BIVM: variants seen among roughly 807,000 people sequenced by gnomAD.
BIVM encodes basic immunoglobulin-like variable motif-containing protein.
A neutral mutation model predicts 61.4 loss-of-function variants in BIVM; 31 were observed. The observed-to-expected ratio is 0.51, with a 90% confidence interval of 0.38 to 0.68. The LOEUF (loss-of-function observed/expected upper bound fraction) is 0.68. Among genes scored for constraint, BIVM ranks in the 30% least tolerant of loss-of-function variants. The pLI, the probability that BIVM is intolerant of heterozygous loss-of-function variation, is 0.00. For missense variants in BIVM, 526 were observed against 596.0 expected, an observed-to-expected ratio of 0.88 and a Z score of 1.22; for synonymous variants, 189 against 210.7, an observed-to-expected ratio of 0.90 and a Z score of 0.89.
At chr13:102,818,391 A>G (rs919581925) in intron 4 of BIVM, among the ~76,000 whole-genome samples, 1 of 152,248 alleles carries the variant, frequency 6.6e-6, no homozygotes, top group Non-Finnish European at 1.5e-5. Context: ...AAGATAAGCC[A>G]TGGACGATTT....
At chr13:102,816,111 C>T (rs1319837496) in intron 3 of BIVM, among the ~76,000 whole-genome samples, 1 of 152,136 alleles carries the variant, frequency 6.6e-6, no homozygotes, top group Non-Finnish European at 1.5e-5. Context: ...GACTGTTCCA[C>T]CAGCTAAGTG....
chr13:102,829,270 AGGGACC>A (rs1880891293), intron 7 of BIVM, among the ~76,000 whole-genome samples: 4 of 152,208 alleles, frequency 2.6e-5, no homozygotes, highest in African/African-American at 9.6e-5. Context: ...ATAATCTCAA[AGGGACC>A]AGAATTCTCT....
chr13:102,827,244 A>G (rs1175681441), intron 7 of BIVM, among the ~76,000 whole-genome samples: 5 of 148,326 alleles, frequency 3.4e-5, no homozygotes, highest in African/African-American at 1.2e-4. Context: ...TCCCTTAATA[A>G]TCTAGGATGT....
At position 102,831,695 on chromosome 13, in the gene BIVM, C is replaced by T; in HGVS notation, c.1032C>T (p.Phe344=). The T allele has an allele frequency of 6.2e-7, 1 of 1,613,980 alleles. No individual in the cohort carries two copies. Among genetic ancestry groups the T allele is most frequent in the Non-Finnish European group, 8.5e-7 (1 of 1,180,010 alleles). Residue 344 remains phenylalanine (F), a splice_region_variant and synonymous_variant, in exon 8 of 11, where the codon TTC becomes TTT. Coordinates refer to ENST00000257336, the MANE Select transcript of BIVM (RefSeq NM_017693.4). ...CCCCTGTTAAAGCTAATAAAGCATT[C>T]AGGTAAGCATTGACGTGTTTTAGAA... ...EATPVKANKA[F]SRGPLSPQEV...
At chr13:102,827,503 C>T (rs1045566487) in intron 7 of BIVM, among the ~76,000 whole-genome samples, 1 of 151,950 alleles carries the variant, frequency 6.6e-6, no homozygotes, top group Non-Finnish European at 1.5e-5. Context: ...TTTCTGTGTG[C>T]ATTTCCTGAA....
chr13:102,839,132 T>G (rs1342567930), intron 10 of BIVM, among the ~76,000 whole-genome samples: 1 of 152,236 alleles, frequency 6.6e-6, no homozygotes, highest in Non-Finnish European at 1.5e-5. Context: ...TCCGTAGTCT[T>G]AGCCCAGCTT....
chr13:102,820,822 A>G, intron 4 of BIVM: 1 of 483,058 alleles, frequency 2.1e-6, no homozygotes, highest in Admixed American at 4.1e-5. Context: ...TTTAACTGGC[A>G]GTTAGTCATA....
intron 7 of BIVM, among the ~76,000 whole-genome samples, chr13:102,823,613 T>C (rs960406395): frequency 6.6e-6 from 1 of 152,162 alleles, no homozygotes; most frequent in Non-Finnish European, 1.5e-5. Flanking sequence ...CTGTTTCTAG[T>C]GAGACTGTCA....
intron 9 of BIVM, among the ~76,000 whole-genome samples, chr13:102,836,802 T>A (rs1244688775): frequency 6.6e-6 from 1 of 152,222 alleles, no homozygotes; most frequent in Non-Finnish European, 1.5e-5. Flanking sequence ...CTGTCTGTCC[T>A]TTTACCGATG....
intron 4 of BIVM, among the ~76,000 whole-genome samples, chr13:102,818,199 GC>G (rs1379734521): frequency 6.6e-6 from 1 of 152,176 alleles, no homozygotes; most frequent in Non-Finnish European, 1.5e-5. Context: ...GAGTAGAGTA[GC>G]TTGTCTAAAG....
intron 2 of BIVM, 93 bp downstream of exon 2, chr13:102,805,483 T>TA (rs1879002407): frequency 6.6e-6 from 1 of 152,158 alleles, no homozygotes; most frequent in Non-Finnish European, 1.5e-5. Context: ...CCTATGTACG[T>TA]AAAAAATCTT....
At chr13:102,805,067 G>A (rs1156751593) in intron 1 of BIVM, among the ~76,000 whole-genome samples, 11 of 152,168 alleles carry the variant, frequency 7.2e-5, no homozygotes, top group Admixed American at 7.2e-4. Flanking sequence ...GTAAGCAAAT[G>A]GGCAGAGATA....
intron 7 of BIVM, among the ~76,000 whole-genome samples, chr13:102,830,602 G>C (rs895793089): frequency 6.6e-6 from 1 of 152,178 alleles, no homozygotes; most frequent in Admixed American, 6.5e-5. Context: ...TGTCTCTGTA[G>C]AGATGTTATC....
intron 9 of BIVM, among the ~76,000 whole-genome samples, chr13:102,835,196 T>C (rs994524362): frequency 1.3e-5 from 2 of 151,996 alleles, no homozygotes; most frequent in African/African-American, 2.4e-5. Context: ...CTGGGCAACA[T>C]AGTGAGACCC....
chr13:102,803,142 G>A (rs575687886), intron 1 of BIVM, among the ~76,000 whole-genome samples: 13 of 142,230 alleles, frequency 9.1e-5, no homozygotes, highest in African/African-American at 2.9e-4. Flanking sequence ...AGGCAACATA[G>A]CAAGACCCTG....
chr13:102,813,629 T>A (rs1054619638), intron 3 of BIVM, among the ~76,000 whole-genome samples: 2 of 152,198 alleles, frequency 1.3e-5, no homozygotes, highest in African/African-American at 4.8e-5. Flanking sequence ...TTTCCTTATA[T>A]GTTCTATAAT....
At chr13:102,811,765 C>T (rs938544062) in intron 3 of BIVM, among the ~76,000 whole-genome samples, 12 of 152,210 alleles carry the variant, frequency 7.9e-5, no homozygotes, top group East Asian at 3.8e-4. Context: ...TCAGGTCATC[C>T]GCCTGCCTCA....
chr13:102,837,199 G>A (rs1040728674), intron 9 of BIVM, among the ~76,000 whole-genome samples: 1 of 152,092 alleles, frequency 6.6e-6, no homozygotes, highest in Non-Finnish European at 1.5e-5. Flanking sequence ...GATCAACTGA[G>A]CCTGGGAGGT....
chr13:102,806,333 TCTAC>T (rs1055035319), intron 2 of BIVM, among the ~76,000 whole-genome samples: 2 of 152,144 alleles, frequency 1.3e-5, no homozygotes, highest in Non-Finnish European at 2.9e-5. Context: ...CACTGCAACC[TCTAC>T]CTCCCAGGTT....
Sources: gnomAD v4.1 joint callset for allele counts (sites outside exome capture counted in the v4.1 genomes callset) on GRCh38, gnomAD v4.1.1 for gene constraint, MANE v1.5 for transcripts, NCBI Gene and HGNC (gene_info 2026-07-23, HGNC 2026-07-21) for gene names.